Variants in CHRNA1 observed in about 807,000 individuals in gnomAD.
CHRNA1 encodes the protein cholinergic receptor nicotinic alpha 1 subunit.
Under a neutral mutation model 47.1 loss-of-function variants are expected in CHRNA1, and 35 were observed. The ratio of observed to expected loss-of-function variants is 0.74; its 90% CI spans 0.57 to 0.99. The LOEUF (loss-of-function observed/expected upper bound fraction) is 0.99. Ranked by LOEUF, CHRNA1 falls within the 50% of genes least tolerant of loss-of-function variation. CHRNA1 has a pLI of 0.00. For synonymous variants in CHRNA1, 229 were observed against 223.6 expected, an observed-to-expected ratio of 1.02 and a Z score of -0.22; for missense variants, 506 against 591.1, an observed-to-expected ratio of 0.86 and a Z score of 1.49.
At position 174,753,742 on chromosome 2, in the gene CHRNA1, T is replaced by C. The variant is rs111655949; in HGVS notation, c.541-2A>G. Reference sequence around the variant, plus strand: ...GCTCAGGTCTGGCTGGTCGCTTTCCTGAGAAAGGAAGTGAGGTTTGGAAAT... The same window carrying C: ...GCTCAGGTCTGGCTGGTCGCTTTCCCGAGAAAGGAAGTGAGGTTTGGAAAT... On this transcript the variant is annotated splice_acceptor_variant, in intron 5 of 8. Transcript: ENST00000348749. LOFTEE classifies it high-confidence loss of function. 6.2e-7 allele frequency: 1 copy of C among 1,613,626 alleles called. No homozygotes were observed. The highest frequency in any genetic ancestry group is 2.2e-5 in the East Asian group (1 of 44,878).
chr2:174,758,932 C>A (rs1684036490), intron 3 of CHRNA1, among the ~76,000 whole-genome samples: 1 of 151,882 alleles, frequency 6.6e-6, no homozygotes, highest in Non-Finnish European at 1.5e-5. Flanking sequence ...ATATGTATCA[C>A]ATACACAAGA....
At chr2:174,759,096 T>C (rs1166086021) in intron 3 of CHRNA1, among the ~76,000 whole-genome samples, 1 of 152,092 alleles carries the variant, frequency 6.6e-6, no homozygotes, top group Non-Finnish European at 1.5e-5. Context: ...AAATTTCTGT[T>C]GTTTAAGCCA....
chr2:174,762,707 G>C (rs1684122040), intron 1 of CHRNA1, among the ~76,000 whole-genome samples: 1 of 152,214 alleles, frequency 6.6e-6, no homozygotes, highest in Admixed American at 6.5e-5. Context: ...AAATAGAACA[G>C]AGATCACGCT....
rs1683914515 is a variant in CHRNA1 at position 174,753,908 on chromosome 2, A to T, written c.541-168T>A. 2.0e-5 allele frequency among the ~76,000 whole-genome samples: 3 copies of T among 152,164 alleles called. No individual in the cohort carries two copies. The South Asian group carries it at 6.2e-4, about 32-fold the overall frequency. ...GGGTCTTAGATGCCTTTCCTATGAC[A>T]TAAGGGGGTTTGGACTAGTAGCATT... On this transcript the variant is annotated intron_variant, in intron 5 of 8. Transcript: ENST00000348749.
At chr2:174,760,436 T>C (rs958043334) in intron 1 of CHRNA1, among the ~76,000 whole-genome samples, 12 of 152,158 alleles carry the variant, frequency 7.9e-5, no homozygotes, top group South Asian at 2.1e-4. Flanking sequence ...TTTTACTAAG[T>C]GAAAGAAGCC....
chr2:174,760,243 C>T (rs1040111821), intron 1 of CHRNA1, among the ~76,000 whole-genome samples: 8 of 152,016 alleles, frequency 5.3e-5, no homozygotes, highest in African/African-American at 9.7e-5. Flanking sequence ...AGGTCCACAC[C>T]CAAAAGAAGA....
In CHRNA1 at chr2:174,759,350, G is replaced by C; in HGVS notation, c.215C>G (p.Thr72Ser). Residue 72 changes from threonine to serine, a missense_variant, in exon 3 of 9, where the codon ACC (threonine) becomes AGC (serine). Coordinates refer to ENST00000348749, the MANE Select transcript of CHRNA1 (RefSeq NM_000079.4). Reference protein sequence around the residue: ...NVDEVNQIVTTNVRLKQQWVD... With the variant: ...NVDEVNQIVTSNVRLKQQWVD... The stretch of plus-strand genomic sequence containing the variant: ...AGTTACCTGTTTCAGACGCACATTG[G>C]TTGTCACGATCTGATTTACTTCATC... 6.2e-7 allele frequency: 1 copy of C among 1,613,966 alleles called. No individual in the cohort carries two copies. The highest frequency in any genetic ancestry group is 8.5e-7 in the Non-Finnish European group (1 of 1,179,988).
chr2:174,761,320 G>A (rs1684095973), intron 1 of CHRNA1, among the ~76,000 whole-genome samples: 2 of 152,116 alleles, frequency 1.3e-5, no homozygotes, highest in South Asian at 2.1e-4. Context: ...GCAGGTTATT[G>A]CTGAGGCTGC....
At chr2:174,758,622 T>C (rs994818871) in intron 3 of CHRNA1, among the ~76,000 whole-genome samples, 15 of 138,978 alleles carry the variant, frequency 1.1e-4, no homozygotes, top group Non-Finnish European at 6.4e-5. Flanking sequence ...CTGAAACACT[T>C]CTGGTCCCAA....
rs530477858 is a variant in CHRNA1 at position 174,764,272 on chromosome 2, A to G, written c.43+80T>C. The stretch of plus-strand genomic sequence containing the variant: ...TGCCATTCTGTGGTCTCATCAAAGA[A>G]GCAAGACTTTGATTTGGGGGCCTCC... On this transcript the variant is annotated intron_variant, in intron 1 of 8. Coordinates refer to ENST00000348749, the MANE Select transcript of CHRNA1 (RefSeq NM_000079.4). 3 of 1,453,566 alleles carry G rather than the reference A, an allele frequency of 2.1e-6. No individual in the cohort carries two copies. The African/African-American group carries it at 4.2e-5, about 20-fold the overall frequency. The allele number at this position is 1,453,566 out of a possible 1,614,324, so 90.0% of individuals were successfully genotyped here.
intron 1 of CHRNA1, among the ~76,000 whole-genome samples, chr2:174,764,150 T>G (rs1196361083): frequency 6.6e-6 from 1 of 152,220 alleles, no homozygotes; most frequent in African/African-American, 2.4e-5. Flanking sequence ...AGTTTCTATT[T>G]TAATTAGATA....
intron 4 of CHRNA1, 54 bp from the exon 5 acceptor site, chr2:174,754,468 TTCTG>T: frequency 6.6e-7 from 1 of 1,517,474 alleles, no homozygotes. Flanking sequence ...GAGCCTTCCA[TTCTG>T]CTTGGGGACG....
At position 174,756,555 on chromosome 2, in the gene CHRNA1, T is replaced by C. The variant is rs73973610; in HGVS notation, c.344+1011A>G. ...CTCACCAGGGTGATCCTGAGTGAGT[T>C]TGGCAAAAGAACCAAAGGATTTTAA... On this transcript the variant is annotated intron_variant, in intron 4 of 8. Coordinates refer to ENST00000348749, the MANE Select transcript of CHRNA1 (RefSeq NM_000079.4). 1.1e-3 allele frequency among the ~76,000 whole-genome samples: 163 copies of C among 152,320 alleles called. 1 individual carries two copies. Among genetic ancestry groups the C allele is most frequent in the African/African-American group, 3.4e-3 (140 of 41,568 alleles).
At position 174,748,764 on chromosome 2, in the gene CHRNA1, G is replaced by C; in HGVS notation, c.1058C>G (p.Ser353Cys). 6.2e-7 allele frequency: 1 copy of C among 1,614,144 alleles called. No homozygotes were observed. The highest frequency in any genetic ancestry group is 8.5e-7 in the Non-Finnish European group (1 of 1,180,016). ...AATCTTTTTGTCTTGCTTTTCTCTG[G>C]ATGGTCTTTTCATTGTGGAGAAAAA... is the stretch of plus-strand genomic sequence containing the variant. ...IMFFSTMKRP[S>C]REKQDKKIFT... is the part of the protein sequence containing the mutation. The change falls in exon 8 of 9, where the codon TCC becomes TGC. Residue 353 changes from serine (S) to cysteine (C), a missense_variant. Coordinates refer to ENST00000348749, the MANE Select transcript of CHRNA1 (RefSeq NM_000079.4).
intron 7 of CHRNA1, among the ~76,000 whole-genome samples, chr2:174,749,196 A>C (rs1329860684): frequency 1.3e-5 from 2 of 152,194 alleles, no homozygotes; most frequent in East Asian, 3.9e-4. Flanking sequence ...CTCCACTTCA[A>C]ATATATCCCA....
chr2:174,764,421 G>A lies in CHRNA1; in HGVS notation c.-27C>T. Reference sequence around the variant, plus strand: ...GGCTACCGGAGCTTGTGTGGACCAGGGCAGAGTGGTGGCCTGTGCTTCTCA... The same window carrying A: ...GGCTACCGGAGCTTGTGTGGACCAGAGCAGAGTGGTGGCCTGTGCTTCTCA... On this transcript the variant is annotated 5_prime_UTR_variant, in exon 1 of 9. Transcript: ENST00000348749. The A allele has an allele frequency of 6.2e-7, 1 of 1,609,628 alleles. No homozygotes were observed. The highest frequency in any genetic ancestry group is 8.5e-7 in the Non-Finnish European group (1 of 1,177,788).
intron 1 of CHRNA1, among the ~76,000 whole-genome samples, chr2:174,763,324 G>T (rs1469666575): frequency 9.3e-5 from 1 of 10,720 alleles, no homozygotes; most frequent in Admixed American, 1.4e-3. Flanking sequence ...GTGTGTGCAC[G>T]CGCGCGCACA....
At position 174,757,434 on chromosome 2, in the gene CHRNA1, G is replaced by T; in HGVS notation, c.344+132C>A. 3 of 687,390 alleles carry T rather than the reference G, an allele frequency of 4.4e-6. No individual in the cohort carries two copies. The South Asian group carries it at 4.6e-5, about 11-fold the overall frequency. 42.6% of individuals were successfully genotyped at this position (687,390 alleles called of 1,614,324 possible). ...GCCTCCCAAAGTGCTGAGTTTACAG[G>T]TGTGAGCCACCATCCTGGGTGATTT... On this transcript the variant is annotated intron_variant, in intron 4 of 8. Transcript: ENST00000348749.
In CHRNA1 at chr2:174,753,720, C is replaced by T. The variant is rs775673443; in HGVS notation, c.561G>A (p.Leu187=). The T allele has an allele frequency of 1.2e-6, 2 of 1,614,094 alleles. No individual in the cohort carries two copies. The highest frequency in any genetic ancestry group is 1.7e-6 in the Non-Finnish European group (2 of 1,179,988). Residue 187 remains leucine (L), a synonymous_variant, in exon 6 of 9, where the codon CTG becomes CTA. Transcript: ENST00000348749. The stretch of plus-strand genomic sequence containing the variant: ...ACTCCCCGCTCTCCATGAAGTTGCT[C>T]AGGTCTGGCTGGTCGCTTTCCTGAG... The part of the protein sequence containing the change: ...AINPESDQPD[L]SNFMESGEWV...
Sources: allele counts gnomAD v4.1 joint callset (sites outside exome capture counted in the v4.1 genomes callset), GRCh38; gene constraint gnomAD v4.1.1; transcripts MANE v1.5; gene names NCBI Gene and HGNC (gene_info 2026-07-23, HGNC 2026-07-21).